CHST11: variants seen among roughly 807,000 people sequenced by gnomAD.
CHST11 encodes C4S-1.
CHST11 carries 9 observed loss-of-function variants against 30.4 expected under a neutral mutation model. That is an observed-to-expected ratio of 0.30 (90% confidence interval 0.18 to 0.52). CHST11 has a LOEUF of 0.52. Ranked by LOEUF, CHST11 falls within the 20% of genes least tolerant of loss-of-function variation. CHST11 has a pLI of 0.97. For missense variants in CHST11, 348 were observed against 460.6 expected, an observed-to-expected ratio of 0.76 and a Z score of 2.24; for synonymous variants, 152 against 187.8, an observed-to-expected ratio of 0.81 and a Z score of 1.56.
intron 1 of CHST11, among the ~76,000 whole-genome samples, chr12:104,569,578 T>G (rs2038603230): frequency 6.6e-6 from 1 of 152,200 alleles, no homozygotes; most frequent in South Asian, 2.1e-4. Context: ...GCAGACCTAT[T>G]GGATTGATCA....
chr12:104,589,543 A>C (rs1297098476), intron 1 of CHST11, among the ~76,000 whole-genome samples: 1 of 152,220 alleles, frequency 6.6e-6, no homozygotes, highest in Non-Finnish European at 1.5e-5. Flanking sequence ...CAAGAATGTG[A>C]ATGTACTTAA....
intron 1 of CHST11, 103 bp downstream of exon 1, chr12:104,457,632 T>C: frequency 1.2e-6 from 1 of 851,960 alleles, no homozygotes; most frequent in Non-Finnish European, 2.0e-6. Flanking sequence ...CTCTCCGCCT[T>C]CGGCCTCTTC....
chr12:104,749,316 A>T (rs1429659259), intron 2 of CHST11, among the ~76,000 whole-genome samples: 1 of 152,230 alleles, frequency 6.6e-6, no homozygotes, highest in Non-Finnish European at 1.5e-5. Flanking sequence ...AGAAGATTTA[A>T]TCATATTTCC....
At chr12:104,650,546 C>G (rs1187466620) in intron 2 of CHST11, among the ~76,000 whole-genome samples, 2 of 152,056 alleles carry the variant, frequency 1.3e-5, no homozygotes. Flanking sequence ...CCAGAACTCT[C>G]TGCTTATTCA....
chr12:104,620,210 C>A (rs1292349645), intron 2 of CHST11, among the ~76,000 whole-genome samples: 1 of 152,204 alleles, frequency 6.6e-6, no homozygotes, highest in East Asian at 1.9e-4. Context: ...CTGCTCTCTT[C>A]ATTTGAGTTT....
Position 104,625,048 on chromosome 12 carries a change from A to G in CHST11, c.204+23057A>G, listed in dbSNP as rs1320513986. 2.0e-5 allele frequency among the ~76,000 whole-genome samples: 3 copies of G among 152,228 alleles called. No individual in the cohort carries two copies. The East Asian group carries it at 5.8e-4, about 29-fold the overall frequency. ...CAGTCACATTGGAGGATAGAGCTTC[A>G]ACATACAAATTTTGGGGGACCCACC... is the stretch of plus-strand genomic sequence containing the variant. On this transcript the variant is annotated intron_variant, in intron 2 of 2. Coordinates refer to ENST00000303694, the MANE Select transcript of CHST11 (RefSeq NM_018413.6).
intron 2 of CHST11, among the ~76,000 whole-genome samples, chr12:104,622,941 C>T (rs1037383746): frequency 2.0e-5 from 3 of 152,186 alleles, no homozygotes; most frequent in Non-Finnish European, 4.4e-5. Flanking sequence ...CAAAGCACCC[C>T]CAAAGCCATC....
At chr12:104,680,260 G>A (rs1044825570) in intron 2 of CHST11, among the ~76,000 whole-genome samples, 1 of 152,230 alleles carries the variant, frequency 6.6e-6, no homozygotes, top group Admixed American at 6.5e-5. Context: ...CTTAAGCCAC[G>A]CTCTTGCCTC....
At chr12:104,657,286 C>G (rs1209928315) in intron 2 of CHST11, among the ~76,000 whole-genome samples, 2 of 152,224 alleles carry the variant, frequency 1.3e-5, no homozygotes, top group African/African-American at 4.8e-5. Context: ...CATCCTTCAC[C>G]CTAAATGACC....
intron 2 of CHST11, among the ~76,000 whole-genome samples, chr12:104,663,965 C>A (rs980397941): frequency 6.6e-6 from 1 of 152,150 alleles, no homozygotes; most frequent in African/African-American, 2.4e-5. Flanking sequence ...TTTCAGCAGC[C>A]CCTGTCCACT....
At chr12:104,536,013 G>A (rs987532683) in intron 1 of CHST11, among the ~76,000 whole-genome samples, 1 of 152,136 alleles carries the variant, frequency 6.6e-6, no homozygotes, top group African/African-American at 2.4e-5. Context: ...CATACAGAGG[G>A]GATATGCATT....
chr12:104,617,588 G>C (rs991329383), intron 2 of CHST11, among the ~76,000 whole-genome samples: 26 of 152,088 alleles, frequency 1.7e-4, no homozygotes, highest in African/African-American at 5.6e-4. Context: ...TCAACTTCTA[G>C]GTTTCAACTT....
intron 2 of CHST11, among the ~76,000 whole-genome samples, chr12:104,702,640 C>T (rs988549431): frequency 4.6e-5 from 7 of 152,094 alleles, no homozygotes; most frequent in Middle Eastern, 3.2e-3. Context: ...AGTGGTTGAG[C>T]GACTCCCCCG....
At chr12:104,717,959 T>A (rs112216960) in intron 2 of CHST11, among the ~76,000 whole-genome samples, 10 of 152,042 alleles carry the variant, frequency 6.6e-5, no homozygotes, top group South Asian at 4.1e-4. Context: ...CAAAATAAAT[T>A]AATTAATTAA....
At chr12:104,531,646 C>G (rs1162630725) in intron 1 of CHST11, among the ~76,000 whole-genome samples, 1 of 152,144 alleles carries the variant, frequency 6.6e-6, no homozygotes, top group Non-Finnish European at 1.5e-5. Context: ...TCCTCTCATT[C>G]ATTTCTTCCC....
intron 2 of CHST11, among the ~76,000 whole-genome samples, chr12:104,680,769 C>G (rs142554386): frequency 6.6e-6 from 1 of 152,190 alleles, no homozygotes; most frequent in Non-Finnish European, 1.5e-5. Context: ...CACACTCCCC[C>G]GGGTTCTCAC....
chr12:104,750,048 C>T (rs2040416951), intron 2 of CHST11, among the ~76,000 whole-genome samples: 1 of 151,324 alleles, frequency 6.6e-6, no homozygotes, highest in Admixed American at 6.6e-5. Context: ...CATATGAAGT[C>T]GTGGTGCCTG....
Position 104,760,644 on chromosome 12 carries a change from A to G in CHST11, c.*2841A>G, listed in dbSNP as rs952306871. 3.3e-5 allele frequency: 5 copies of G among 152,204 alleles called. No individual in the cohort carries two copies. Among genetic ancestry groups the G allele is most frequent in the African/African-American group, 1.2e-4 (5 of 41,454 alleles). The allele number at this position is 152,204 out of a possible 1,614,324, so 9.4% of individuals were successfully genotyped here. A position where few individuals can be genotyped will look rare whatever the true frequency, so the allele number is the denominator to read the frequency against. On this transcript the variant is annotated 3_prime_UTR_variant, in exon 3 of 3. Transcript: ENST00000303694. ...CAGTTGTGCAAGCCTGCTCACTGTC[A>G]TGTGAAGATGGCCTTTCATCTGGCT...
At chr12:104,562,444 C>T (rs1167628979) in intron 1 of CHST11, among the ~76,000 whole-genome samples, 1 of 152,210 alleles carries the variant, frequency 6.6e-6, no homozygotes, top group Middle Eastern at 3.4e-3. Context: ...AGCGCAGAGC[C>T]CGTAATAGTG....
Sources: gnomAD v4.1 joint callset for allele counts (sites outside exome capture counted in the v4.1 genomes callset) on GRCh38, gnomAD v4.1.1 for gene constraint, MANE v1.5 for transcripts, NCBI Gene and HGNC (gene_info 2026-07-23, HGNC 2026-07-21) for gene names.